Variants in CYP2C18 observed in about 807,000 individuals in gnomAD.
The protein encoded by CYP2C18 is cytochrome P450 family 2 subfamily C member 18.
A neutral mutation model predicts 41.3 loss-of-function variants in CYP2C18; 38 were observed. The ratio of observed to expected loss-of-function variants is 0.92; its 90% CI spans 0.71 to 1.21. CYP2C18 has a LOEUF of 1.21. Among genes scored for constraint, CYP2C18 ranks in the 50% most tolerant of loss-of-function variants. The pLI, the probability that CYP2C18 is intolerant of heterozygous loss-of-function variation, is 0.00. For missense variants in CYP2C18, 635 were observed against 591.4 expected (o/e 1.07, Z -0.77); for synonymous variants, 236 against 210.0 (o/e 1.12, Z -1.07).
chr10:94,684,008 TC>T, intron 1 of CYP2C18, 21 bp downstream of exon 1: 2 of 1,561,002 alleles, frequency 1.3e-6, no homozygotes, highest in Admixed American at 1.8e-5. Context: ...TTTATGTTCC[TC>T]CAGTAATGTA....
chr10:94,684,809 C>T (rs1564635967), intron 1 of CYP2C18, among the ~76,000 whole-genome samples: 2 of 152,064 alleles, frequency 1.3e-5, no homozygotes, highest in South Asian at 4.2e-4. Flanking sequence ...AATTTACATA[C>T]CCAAGGTTCA....
chr10:94,696,815 G>A (rs764453774), intron 4 of CYP2C18, among the ~76,000 whole-genome samples: 4 of 152,112 alleles, frequency 2.6e-5, no homozygotes, highest in Admixed American at 6.5e-5. Flanking sequence ...ACCACGGCCC[G>A]AGAATTATGT....
At position 94,715,590 on chromosome 10, in the gene CYP2C18, T is replaced by C. The variant is rs543874325; in HGVS notation, c.820-4806T>C. ...GCTGCTGGAATCAGTTTGTCAGTAT[T>C]TTATTGAGGATTTTTGTATCGATGT... On this transcript the variant is annotated intron_variant, in intron 5 of 8. Coordinates refer to ENST00000285979, the MANE Select transcript of CYP2C18 (RefSeq NM_000772.3). 1.2e-4 allele frequency among the ~76,000 whole-genome samples: 19 copies of C among 152,292 alleles called. No homozygotes were observed. In the South Asian group the frequency reaches 3.9e-3, roughly 32 times the overall value.
At chr10:94,732,494 T>A (rs1454164234) in intron 7 of CYP2C18, among the ~76,000 whole-genome samples, 2 of 152,008 alleles carry the variant, frequency 1.3e-5, no homozygotes, top group Non-Finnish European at 2.9e-5. Flanking sequence ...AGAAAATAAA[T>A]CATTCTACTA....
rs757153190 is a variant in CYP2C18 at position 94,724,516 on chromosome 10, A to G, written c.1132A>G (p.Asn378Asp). The part of the protein sequence containing the change: ...HAVTCDVKFK[N>D]YLIPKGTTII... The stretch of plus-strand genomic sequence containing the variant: ...AGTGACCTGTGATGTTAAATTCAAA[A>G]ACTACCTCATCCCCAAGGTAAGCTT... Residue 378 changes from asparagine to aspartate, a missense_variant, in exon 7 of 9, where the codon AAC becomes GAC. Transcript: ENST00000285979. 2.5e-6 allele frequency: 4 copies of G among 1,613,420 alleles called. No homozygotes were observed. In the Admixed American group the frequency reaches 5.0e-5, roughly 20 times the overall value.
chr10:94,699,115 C>G (rs754957181), intron 4 of CYP2C18, among the ~76,000 whole-genome samples: 1 of 152,280 alleles, frequency 6.6e-6, no homozygotes, highest in Non-Finnish European at 1.5e-5. Context: ...GGGAATCCTC[C>G]CTAATGCATT....
intron 7 of CYP2C18, among the ~76,000 whole-genome samples, chr10:94,729,530 A>G (rs1332316470): frequency 6.6e-6 from 1 of 152,198 alleles, no homozygotes; most frequent in Non-Finnish European, 1.5e-5. Flanking sequence ...CAAAGCTTCA[A>G]GGAAATAGAA....
At chr10:94,684,213 CCT>C (rs1846841558) in intron 1 of CYP2C18, among the ~76,000 whole-genome samples, 1 of 152,012 alleles carries the variant, frequency 6.6e-6, no homozygotes, top group African/African-American at 2.4e-5. Context: ...CATTTAAAAT[CCT>C]CTTTTTTAGC....
chr10:94,719,894 A>G (rs1847620410), intron 5 of CYP2C18, among the ~76,000 whole-genome samples: 1 of 150,346 alleles, frequency 6.7e-6, no homozygotes, highest in Non-Finnish European at 1.5e-5. Flanking sequence ...TTTTTTTTTT[A>G]GAGACAGGGG....
chr10:94,689,302 G>T (rs945676279), intron 3 of CYP2C18, among the ~76,000 whole-genome samples: 17 of 151,874 alleles, frequency 1.1e-4, no homozygotes, highest in Middle Eastern at 3.4e-3. Flanking sequence ...TCTGTATTCA[G>T]CTTTCTTTAT....
chr10:94,705,233 C>G (rs1393342753), intron 4 of CYP2C18, among the ~76,000 whole-genome samples: 1 of 152,102 alleles, frequency 6.6e-6, no homozygotes, highest in African/African-American at 2.4e-5. Flanking sequence ...GAGCTGGAAG[C>G]CATTATCATC....
rs1257920701 is a variant in CYP2C18 at position 94,733,343 on chromosome 10, A to G, written c.1196A>G (p.Lys399Arg). ...CTGACTTCTGTGCTGCACAATGACA[A>G]AGAATTCCCCAACCCAGAGATGTTT... ...TSLTSVLHND[K>R]EFPNPEMFDP... The change falls in exon 8 of 9, where the codon AAA (lysine) becomes AGA (arginine). Residue 399 changes from lysine (K) to arginine (R), a missense_variant. Lys to Arg is a conservative substitution (Grantham distance 26, BLOSUM62 2). Transcript: ENST00000285979. 5.6e-6 allele frequency: 9 copies of G among 1,613,288 alleles called. No homozygotes were observed. The highest frequency in any genetic ancestry group is 7.6e-6 in the Non-Finnish European group (9 of 1,179,546).
intron 4 of CYP2C18, among the ~76,000 whole-genome samples, chr10:94,695,487 T>G (rs1431708447): frequency 6.6e-6 from 1 of 152,170 alleles, no homozygotes; most frequent in African/African-American, 2.4e-5. Flanking sequence ...CAGCATTTGC[T>G]TGTCTGTAAA....
At chr10:94,689,539 T>A (rs1446542748) in intron 3 of CYP2C18, among the ~76,000 whole-genome samples, 2 of 152,200 alleles carry the variant, frequency 1.3e-5, no homozygotes, top group African/African-American at 4.8e-5. Flanking sequence ...CTCTCACACA[T>A]GAATCCAATA....
At chr10:94,697,252 G>C (rs914586021) in intron 4 of CYP2C18, among the ~76,000 whole-genome samples, 36 of 152,182 alleles carry the variant, frequency 2.4e-4, no homozygotes, top group Admixed American at 3.9e-4. Context: ...TACCCACAAA[G>C]GGAAGCCCAT....
chr10:94,723,602 G>A (rs1847683787), intron 6 of CYP2C18, among the ~76,000 whole-genome samples: 2 of 152,048 alleles, frequency 1.3e-5, no homozygotes, highest in South Asian at 4.1e-4. Context: ...ATAATGGTGT[G>A]AACATGAGTA....
chr10:94,733,307 T>C lies in CYP2C18; in HGVS notation c.1160T>C (p.Ile387Thr), dbSNP rs1308855710. 6.2e-7 allele frequency: 1 copy of C among 1,612,902 alleles called. No individual in the cohort carries two copies. Among genetic ancestry groups the C allele is most frequent in the Non-Finnish European group, 8.5e-7 (1 of 1,179,274 alleles). ...KNYLIPKGTT[I>T]ITSLTSVLHN... ...TTTTGCTATTTTCAGGGCACGACCA[T>C]AATAACATCCCTGACTTCTGTGCTG... Residue 387 changes from isoleucine to threonine, a missense_variant, in exon 8 of 9, where the codon ATA (isoleucine) becomes ACA (threonine). Transcript: ENST00000285979.
At chr10:94,722,761 C>T (rs1381670946) in intron 6 of CYP2C18, among the ~76,000 whole-genome samples, 3 of 152,154 alleles carry the variant, frequency 2.0e-5, no homozygotes, top group African/African-American at 7.2e-5. Flanking sequence ...GAGGCTCACT[C>T]ATGGACAACA....
intron 6 of CYP2C18, among the ~76,000 whole-genome samples, chr10:94,722,730 C>T (rs1198659158): frequency 2.6e-5 from 4 of 152,146 alleles, no homozygotes; most frequent in African/African-American, 9.6e-5. Flanking sequence ...GAGGTTCACT[C>T]TCTAGAGAAA....
Sources: gnomAD v4.1 joint callset for allele counts (sites outside exome capture counted in the v4.1 genomes callset) on GRCh38, gnomAD v4.1.1 for gene constraint, MANE v1.5 for transcripts, NCBI Gene and HGNC (gene_info 2026-07-23, HGNC 2026-07-21) for gene names.